Variants in FILIP1L observed in about 807,000 individuals in gnomAD.
FILIP1L encodes the protein filamin A-interacting protein 1-like.
In FILIP1L, 55 loss-of-function variants were observed where a neutral mutation model predicts 96.6. The observed-to-expected ratio is 0.57, with a 90% CI of 0.46 to 0.71. The LOEUF is 0.71. Ranked by LOEUF, FILIP1L falls within the 30% of genes least tolerant of loss-of-function variation. The pLI, the probability that FILIP1L is intolerant of heterozygous loss-of-function variation, is 0.00. For synonymous variants in FILIP1L, 467 were observed against 473.9 expected (o/e 0.99, Z 0.19); for missense variants, 1,304 against 1,321.2 (o/e 0.99, Z 0.20).
At chr3:99,833,106 G>T in intron 5 of FILIP1L, 1 of 760,902 alleles carries the variant, frequency 1.3e-6, no homozygotes, top group Non-Finnish European at 2.3e-6. Context: ...AAGAGCAGAT[G>T]TCTTGGAGGA....
chr3:100,050,135 C>T (rs975983561), intron 1 of FILIP1L, among the ~76,000 whole-genome samples: 1 of 152,084 alleles, frequency 6.6e-6, no homozygotes, highest in East Asian at 1.9e-4. Context: ...GGGTAGTGTT[C>T]GGGGGCAAAT....
At chr3:99,869,732 T>C (rs569895267) in intron 4 of FILIP1L, among the ~76,000 whole-genome samples, 4 of 152,352 alleles carry the variant, frequency 2.6e-5, no homozygotes, top group Non-Finnish European at 4.4e-5. Context: ...ATTCCACTTA[T>C]GATCTCTGCT....
chr3:99,984,571 G>T (rs373116519), intron 1 of FILIP1L, among the ~76,000 whole-genome samples: 12 of 152,166 alleles, frequency 7.9e-5, no homozygotes, highest in African/African-American at 2.4e-4. Flanking sequence ...CTGCCAAGAG[G>T]TATCTACCCT....
At chr3:99,882,646 A>G (rs1478297082) in intron 4 of FILIP1L, among the ~76,000 whole-genome samples, 3 of 152,208 alleles carry the variant, frequency 2.0e-5, no homozygotes, top group Non-Finnish European at 4.4e-5. Flanking sequence ...CCCCAAGGTC[A>G]CACAGTAAAT....
intron 1 of FILIP1L, among the ~76,000 whole-genome samples, chr3:100,067,478 T>C (rs1458730970): frequency 6.6e-6 from 1 of 152,192 alleles, no homozygotes; most frequent in Non-Finnish European, 1.5e-5. Context: ...TATACATGAT[T>C]GAGGATAGTG....
chr3:99,999,953 A>G (rs1045767463), intron 1 of FILIP1L, among the ~76,000 whole-genome samples: 1 of 152,186 alleles, frequency 6.6e-6, no homozygotes, highest in Non-Finnish European at 1.5e-5. Context: ...AGGTATCTCT[A>G]GACTCTAGAA....
At chr3:99,921,511 C>T (rs536764120) in intron 4 of FILIP1L, among the ~76,000 whole-genome samples, 2 of 152,240 alleles carry the variant, frequency 1.3e-5, no homozygotes, top group African/African-American at 4.8e-5. Context: ...GTCACATATG[C>T]ATCAAGGGAG....
chr3:99,973,155 A>G (rs943534531), intron 1 of FILIP1L, among the ~76,000 whole-genome samples: 3 of 152,232 alleles, frequency 2.0e-5, no homozygotes, highest in Non-Finnish European at 4.4e-5. Flanking sequence ...AGATTTTATG[A>G]TCTGCTTTAA....
chr3:99,841,375 C>T (rs1288156985), intron 5 of FILIP1L, among the ~76,000 whole-genome samples: 3 of 152,148 alleles, frequency 2.0e-5, no homozygotes, highest in Non-Finnish European at 4.4e-5. Flanking sequence ...ATGTAGATAA[C>T]CAACCACCTT....
rs940506590 is a variant in FILIP1L, at chr3:99,848,149, T to C, written c.3381+146A>G. The C allele has an allele frequency of 4.0e-6, 6 of 1,516,790 alleles. No individual in the cohort carries two copies. The East Asian group carries it at 1.4e-4, about 35-fold the overall frequency. 94.0% of individuals were successfully genotyped at this position (1,516,790 alleles called of 1,614,324 possible). On this transcript the variant is annotated intron_variant, in intron 5 of 5. Coordinates refer to ENST00000477258, the MANE Select transcript of FILIP1L (RefSeq NM_001387850.1). ...ACAGTTAGTTTCAGATACTCTTGTA[T>C]AGTTCATGCACAAACCTTCCCAAAG...
chr3:100,053,489 CT>C (rs1559740795), intron 1 of FILIP1L, among the ~76,000 whole-genome samples: 1 of 152,186 alleles, frequency 6.6e-6, no homozygotes, highest in African/African-American at 2.4e-5. Context: ...AAATTTCTGT[CT>C]TCTCATGAGG....
intron 1 of FILIP1L, among the ~76,000 whole-genome samples, chr3:100,093,134 T>A (rs2066141987): frequency 1.3e-5 from 2 of 152,084 alleles, no homozygotes; most frequent in African/African-American, 4.8e-5. Flanking sequence ...TTAAACATAC[T>A]CTATGCACTG....
intron 4 of FILIP1L, among the ~76,000 whole-genome samples, chr3:99,909,402 G>A (rs1355168676): frequency 6.6e-6 from 1 of 152,180 alleles, no homozygotes; most frequent in Non-Finnish European, 1.5e-5. Flanking sequence ...CCTTGGGTCA[G>A]GTGAGGGGGT....
intron 1 of FILIP1L, among the ~76,000 whole-genome samples, chr3:99,971,153 T>C (rs55772135): frequency 0.065 from 9,916 of 152,174 alleles, 427 homozygotes; most frequent in South Asian, 0.1. Flanking sequence ...CTGGCTAACA[T>C]GGTGAAACCC....
intron 1 of FILIP1L, among the ~76,000 whole-genome samples, chr3:100,037,080 G>A (rs376495973): frequency 6.6e-6 from 1 of 152,064 alleles, no homozygotes; most frequent in Non-Finnish European, 1.5e-5. Context: ...ATCCTGGATC[G>A]GGGGAGGAAA....
chr3:100,023,216 A>G (rs976575314), intron 1 of FILIP1L: 22 of 152,332 alleles, frequency 1.4e-4, no homozygotes, highest in African/African-American at 5.3e-4. Context: ...AGTAACCCTT[A>G]CAGAGATAAT....
intron 5 of FILIP1L, among the ~76,000 whole-genome samples, chr3:99,843,674 A>G (rs1026278622): frequency 6.6e-6 from 1 of 152,194 alleles, no homozygotes. Context: ...GAACACTTAC[A>G]TAAATCTACA....
intron 1 of FILIP1L, among the ~76,000 whole-genome samples, chr3:100,075,811 A>G (rs1390545371): frequency 1.3e-5 from 2 of 152,098 alleles, no homozygotes; most frequent in African/African-American, 4.8e-5. Context: ...ACCTGGGGCA[A>G]TTTATCTCTG....
intron 1 of FILIP1L, among the ~76,000 whole-genome samples, chr3:100,005,417 G>A (rs1009159215): frequency 4.6e-5 from 7 of 152,126 alleles, no homozygotes; most frequent in Non-Finnish European, 8.8e-5. Context: ...ATCTCCTTGG[G>A]TGCTTATTAA....
Sources: gnomAD v4.1 joint callset for allele counts (sites outside exome capture counted in the v4.1 genomes callset) on GRCh38, gnomAD v4.1.1 for gene constraint, MANE v1.5 for transcripts, NCBI Gene and HGNC (gene_info 2026-07-23, HGNC 2026-07-21) for gene names.